Variants in MEGF11 observed in about 807,000 individuals in gnomAD.
The protein encoded by MEGF11 is multiple epidermal growth factor-like domains protein 11.
Under a neutral mutation model 146.6 loss-of-function variants are expected in MEGF11, and 126 were observed. The observed-to-expected ratio is 0.86, with a 90% CI of 0.74 to 1.00. The LOEUF is 1.00. Ranked by LOEUF, MEGF11 falls within the 50% of genes least tolerant of loss-of-function variation. The pLI, the probability that MEGF11 is intolerant of heterozygous loss-of-function variation, is 0.00. For synonymous variants in MEGF11, 532 were observed against 583.4 expected (o/e 0.91, Z 1.27); for missense variants, 1,509 against 1,521.2 (o/e 0.99, Z 0.13).
intron 9 of MEGF11, among the ~76,000 whole-genome samples, chr15:65,961,960 GA>G (rs1567177958): frequency 6.6e-6 from 1 of 152,150 alleles, no homozygotes; most frequent in Non-Finnish European, 1.5e-5. Flanking sequence ...AAAGGTGATG[GA>G]CAGATTGGGA....
At position 65,916,259 on chromosome 15, in the gene MEGF11, A is replaced by C; in HGVS notation, c.2233T>G (p.Phe745Val). 6.4e-7 allele frequency: 1 copy of C among 1,556,614 alleles called. No individual in the cohort carries two copies. The highest frequency in any genetic ancestry group is 8.7e-7 in the Non-Finnish European group (1 of 1,149,986). ...FCTQRCPAAF[F>V]GKDCGRVCQC... ...CATACGCGCCCACAGTCCTTCCCAA[A>C]AAATGCTGCTGGGCAGCCTAGAGAA... The change falls in exon 18 of 26, where the codon TTT (phenylalanine) becomes GTT (valine). Residue 745 changes from phenylalanine (F) to valine (V), a missense_variant. Phe to Val is a conservative substitution (Grantham distance 50). Transcript: ENST00000395614.
At chr15:66,008,626 C>A (rs938931576) in intron 5 of MEGF11, among the ~76,000 whole-genome samples, 7 of 152,036 alleles carry the variant, frequency 4.6e-5, no homozygotes, top group African/African-American at 1.7e-4. Flanking sequence ...GAGTTCCAGA[C>A]CAGCCTTGGC....
At chr15:65,971,867 C>A (rs962971601) in intron 7 of MEGF11, among the ~76,000 whole-genome samples, 1 of 152,012 alleles carries the variant, frequency 6.6e-6, no homozygotes, top group African/African-American at 2.4e-5. Context: ...AAATAGGAAC[C>A]ATGCCTGGAG....
chr15:66,181,548 T>A lies in MEGF11; in HGVS notation c.-8-53137A>T, dbSNP rs558597432. On this transcript the variant is annotated intron_variant, in intron 1 of 25. Coordinates refer to ENST00000395614, the MANE Select transcript of MEGF11 (RefSeq NM_001385028.1). Reference sequence around the variant, plus strand: ...CTATAACTTCTACTATCATCCCAATTTCCTGAATACCAGGGATGTAGGATG... The same window carrying A: ...CTATAACTTCTACTATCATCCCAATATCCTGAATACCAGGGATGTAGGATG... Among the ~76,000 whole-genome samples the A allele has an allele frequency of 1.7e-4, 26 of 152,318 alleles. No homozygotes were observed. In the South Asian group the frequency reaches 5.2e-3, roughly 30 times the overall value.
intron 5 of MEGF11, among the ~76,000 whole-genome samples, chr15:66,084,470 C>T (rs545206682): frequency 1.3e-5 from 2 of 152,208 alleles, no homozygotes; most frequent in South Asian, 2.1e-4. Flanking sequence ...CAGGAGACAC[C>T]CCAAATACTG....
intron 4 of MEGF11, 92 bp downstream of exon 4, chr15:66,118,994 C>T (rs186306457): frequency 1.2e-5 from 10 of 837,098 alleles, no homozygotes; most frequent in African/African-American, 3.4e-5. Context: ...GCCTAGGGGC[C>T]GTGGATATCA....
intron 1 of MEGF11, among the ~76,000 whole-genome samples, chr15:66,168,602 T>G (rs1449923806): frequency 6.6e-6 from 1 of 152,202 alleles, no homozygotes; most frequent in Non-Finnish European, 1.5e-5. Flanking sequence ...TTCAAATATC[T>G]CATTAATTTC....
intron 1 of MEGF11, among the ~76,000 whole-genome samples, chr15:66,139,363 C>T (rs1469669922): frequency 6.6e-6 from 1 of 152,162 alleles, no homozygotes; most frequent in Admixed American, 6.5e-5. Flanking sequence ...GTGTGCCTGG[C>T]CTGATTAGTC....
At chr15:66,017,816 C>T (rs560712199) in intron 5 of MEGF11, among the ~76,000 whole-genome samples, 1 of 152,356 alleles carries the variant, frequency 6.6e-6, no homozygotes, top group East Asian at 1.9e-4. Context: ...AGCAGGAGTG[C>T]TGGGAGAACC....
intron 5 of MEGF11, among the ~76,000 whole-genome samples, chr15:66,073,581 C>T (rs1305719126): frequency 6.6e-6 from 1 of 152,218 alleles, no homozygotes; most frequent in Non-Finnish European, 1.5e-5. Flanking sequence ...ATCACTCTCT[C>T]CGTTTTTCAA....
At chr15:66,217,027 G>A (rs968671721) in intron 1 of MEGF11, among the ~76,000 whole-genome samples, 2 of 152,226 alleles carry the variant, frequency 1.3e-5, no homozygotes, top group African/African-American at 4.8e-5. Flanking sequence ...CCACCACATT[G>A]CAGCCCAACT....
intron 24 of MEGF11, among the ~76,000 whole-genome samples, chr15:65,903,931 T>C (rs1244702281): frequency 6.6e-6 from 1 of 152,212 alleles, no homozygotes; most frequent in Non-Finnish European, 1.5e-5. Flanking sequence ...CTTTTCTTTT[T>C]AAAGGATGAT....
chr15:66,150,235 G>A (rs748948199), intron 1 of MEGF11, among the ~76,000 whole-genome samples: 8 of 152,202 alleles, frequency 5.3e-5, no homozygotes, highest in Admixed American at 1.3e-4. Flanking sequence ...CCAGCCTGGC[G>A]GGCATGGTGG....
chr15:66,180,447 A>C (rs1597138534), intron 1 of MEGF11, among the ~76,000 whole-genome samples: 1 of 152,218 alleles, frequency 6.6e-6, no homozygotes, highest in African/African-American at 2.4e-5. Flanking sequence ...CCATAGAGCC[A>C]AATGGTGATG....
rs1212487221 is a variant in MEGF11 at position 65,964,905 on chromosome 15, T to C, written c.1112+3A>G. On this transcript the variant is annotated splice_donor_region_variant and intron_variant, in intron 9 of 25. Coordinates refer to ENST00000395614, the MANE Select transcript of MEGF11 (RefSeq NM_001385028.1). ...CCCGGGCTCGCCCATTCCCAGCTCA[T>C]ACCTGATGGTGTTGTCAGCGTCACA... The C allele has an allele frequency of 1.9e-6, 3 of 1,554,460 alleles. No homozygotes were observed. Among genetic ancestry groups the C allele is most frequent in the African/African-American group, 2.7e-5 (2 of 73,384 alleles).
chr15:66,204,181 C>A (rs904270147), intron 1 of MEGF11, among the ~76,000 whole-genome samples: 3 of 152,136 alleles, frequency 2.0e-5, no homozygotes, highest in Non-Finnish European at 2.9e-5. Context: ...ACAGGCAGAT[C>A]GCTTGAGCCC....
chr15:66,035,743 C>T (rs2083702959), intron 5 of MEGF11, among the ~76,000 whole-genome samples: 1 of 152,264 alleles, frequency 6.6e-6, no homozygotes, highest in African/African-American at 2.4e-5. Flanking sequence ...CCTGTGTTCA[C>T]TTCCTGAATG....
rs1291576767 is a variant in MEGF11 at position 65,909,101 on chromosome 15, C to T, written c.2931G>A (p.Arg977=). ...SHFQISALEA[R]YPPEDFYIEL... is the part of the protein sequence containing the mutation. Reference sequence around the variant, plus strand: ...CAATGTAGAAGTCCTCGGGCGGGTACCTGGCCTCCAGGGCACTGATCTGGA... The same window carrying T: ...CAATGTAGAAGTCCTCGGGCGGGTATCTGGCCTCCAGGGCACTGATCTGGA... The change falls in exon 23 of 26, where the codon AGG becomes AGA. Residue 977 remains arginine (R), a synonymous_variant. Transcript: ENST00000395614. 2.0e-6 allele frequency: 3 copies of T among 1,535,762 alleles called. No individual in the cohort carries two copies. The highest frequency in any genetic ancestry group is 8.7e-7 in the Non-Finnish European group (1 of 1,146,738).
intron 1 of MEGF11, among the ~76,000 whole-genome samples, chr15:66,157,195 T>A (rs970601855): frequency 6.6e-6 from 1 of 152,132 alleles, no homozygotes; most frequent in African/African-American, 2.4e-5. Context: ...CGGACAACAG[T>A]ACCTAGGCCA....
Sources: allele counts gnomAD v4.1 joint callset (sites outside exome capture counted in the v4.1 genomes callset), GRCh38; gene constraint gnomAD v4.1.1; transcripts MANE v1.5; gene names NCBI Gene and HGNC (gene_info 2026-07-23, HGNC 2026-07-21).